Variants in RANBP2 observed in about 807,000 individuals in gnomAD.
RANBP2 encodes E3 SUMO-protein ligase RanBP2.
RANBP2 carries 57 observed loss-of-function variants against 303.6 expected under a neutral mutation model. The observed-to-expected ratio is 0.19, with a 90% CI of 0.15 to 0.23. The LOEUF is 0.23. Ranked by LOEUF, RANBP2 falls within the 10% of genes least tolerant of loss-of-function variation. RANBP2 has a pLI of 1.00. For synonymous variants in RANBP2, 1,167 were observed against 1,301.5 expected (o/e 0.90, Z 2.23); for missense variants, 3,138 against 3,780.8 (o/e 0.83, Z 4.46).
chr2:109,141,914 C>T, the RANBP2 span, among the ~76,000 whole-genome samples: 2 of 152,128 alleles, frequency 1.3e-5, no homozygotes, highest in Non-Finnish European at 2.9e-5. Context: ...CTCCTGCAAG[C>T]TCTGCAGGTG....
the RANBP2 span, among the ~76,000 whole-genome samples, chr2:109,406,910 G>A: frequency 6.6e-6 from 1 of 152,216 alleles, no homozygotes; most frequent in Non-Finnish European, 1.5e-5. Flanking sequence ...GCGGGGCCTT[G>A]AGGAGAACCG....
At chr2:109,215,619 T>C in the RANBP2 span, among the ~76,000 whole-genome samples, 19 of 152,116 alleles carry the variant, frequency 1.2e-4, no homozygotes, top group African/African-American at 4.3e-4. Flanking sequence ...TCTTCCTCGG[T>C]GACTCTGGAT....
the RANBP2 span, among the ~76,000 whole-genome samples, chr2:108,807,824 G>A: frequency 2.0e-5 from 3 of 152,068 alleles, no homozygotes; most frequent in African/African-American, 7.2e-5. Flanking sequence ...CACCATGTTG[G>A]CCAGGGTGGT....
chr2:109,115,148 G>C, the RANBP2 span, among the ~76,000 whole-genome samples: 6 of 152,148 alleles, frequency 3.9e-5, no homozygotes, highest in Admixed American at 1.3e-4. Context: ...TATTAGGTCC[G>C]CTTGGTGCAG....
the RANBP2 span, among the ~76,000 whole-genome samples, chr2:108,799,715 A>AT: frequency 6.6e-6 from 1 of 152,006 alleles, no homozygotes; most frequent in Non-Finnish European, 1.5e-5. Context: ...TTCATCAAAT[A>AT]TTTTTTCCAC....
intron 21 of RANBP2, 99 bp downstream of exon 21, chr2:108,771,970 C>T: frequency 7.1e-7 from 1 of 1,408,990 alleles, no homozygotes; most frequent in South Asian, 1.2e-5. Context: ...TAGAACTTAT[C>T]ACTAATATCC....
the RANBP2 span, among the ~76,000 whole-genome samples, chr2:109,595,884 T>C: frequency 3.9e-5 from 6 of 152,066 alleles, no homozygotes; most frequent in East Asian, 1.2e-3. Context: ...AGGAGGAGGG[T>C]AGAACATTCC....
the RANBP2 span, chr2:108,910,398 C>A: frequency 7.2e-7 from 1 of 1,382,928 alleles, no homozygotes. Context: ...ACCCTGGTTC[C>A]CCTCCCTGCT....
At chr2:108,977,473 T>C in the RANBP2 span, among the ~76,000 whole-genome samples, 1 of 152,184 alleles carries the variant, frequency 6.6e-6, no homozygotes, top group Non-Finnish European at 1.5e-5. Flanking sequence ...GGTTTCACTG[T>C]GTTCGCCAGG....
the RANBP2 span, chr2:109,593,091 GT>G: frequency 6.3e-7 from 1 of 1,599,384 alleles, no homozygotes; most frequent in Admixed American, 1.7e-5. Context: ...CATACAAGTT[GT>G]TTTCGTTGCC....
the RANBP2 span, among the ~76,000 whole-genome samples, chr2:109,385,935 A>G: frequency 6.6e-6 from 1 of 152,228 alleles, no homozygotes; most frequent in Non-Finnish European, 1.5e-5. Flanking sequence ...AATTTGCAAC[A>G]CAGTGCATCT....
the RANBP2 span, among the ~76,000 whole-genome samples, chr2:109,298,488 G>A: frequency 1.3e-5 from 2 of 152,120 alleles, no homozygotes; most frequent in Admixed American, 6.5e-5. Flanking sequence ...CAGGCTGGGT[G>A]GGGGATGATT....
At chr2:108,870,223 A>G in the RANBP2 span, among the ~76,000 whole-genome samples, 2 of 152,228 alleles carry the variant, frequency 1.3e-5, no homozygotes, top group African/African-American at 4.8e-5. Flanking sequence ...GAATTGAAAA[A>G]TTTACTAGAA....
the RANBP2 span, among the ~76,000 whole-genome samples, chr2:109,186,446 C>G: frequency 6.6e-6 from 1 of 152,226 alleles, no homozygotes; most frequent in Non-Finnish European, 1.5e-5. Context: ...GCAAACACTT[C>G]ACCGCCGTGC....
the RANBP2 span, among the ~76,000 whole-genome samples, chr2:109,203,878 C>T: frequency 6.6e-6 from 1 of 152,226 alleles, no homozygotes; most frequent in Non-Finnish European, 1.5e-5. Context: ...TTCTTGTTCC[C>T]TGTGCGGCCT....
chr2:108,910,480 A>G, the RANBP2 span: 1 of 1,613,848 alleles, frequency 6.2e-7, no homozygotes, highest in African/African-American at 1.3e-5. Context: ...GCTTTGCTGG[A>G]GTTGCTGTCA....
At chr2:108,976,468 G>C in the RANBP2 span, among the ~76,000 whole-genome samples, 5 of 152,138 alleles carry the variant, frequency 3.3e-5, no homozygotes, top group Non-Finnish European at 7.4e-5. Context: ...TCCCCACTCT[G>C]AAGTGACTCC....
the RANBP2 span, among the ~76,000 whole-genome samples, chr2:109,439,439 C>T: frequency 6.6e-6 from 1 of 152,176 alleles, no homozygotes; most frequent in Non-Finnish European, 1.5e-5. Context: ...AGAAAAAACA[C>T]TGTTGACAGT....
rs574583485 is a variant in RANBP2 at position 108,747,572 on chromosome 2, C to G, written c.1063+774C>G. Among the ~76,000 whole-genome samples, 5 of 152,258 alleles carry G rather than the reference C, an allele frequency of 3.3e-5. No individual in the cohort carries two copies. The South Asian group carries it at 1.0e-3, about 32-fold the overall frequency. ...GGCTTTCAGTCCTTAAAGTGACTTTCTACTTTTTTCCTTTTCTCTTTTCCT... is the reference window on the plus strand; with the variant it reads ...GGCTTTCAGTCCTTAAAGTGACTTTGTACTTTTTTCCTTTTCTCTTTTCCT... On this transcript the variant is annotated intron_variant, in intron 8 of 28. Coordinates refer to ENST00000283195, the MANE Select transcript of RANBP2 (RefSeq NM_006267.5).
Sources: allele counts gnomAD v4.1 joint callset (sites outside exome capture counted in the v4.1 genomes callset), GRCh38; gene constraint gnomAD v4.1.1; transcripts MANE v1.5; gene names NCBI Gene and HGNC (gene_info 2026-07-23, HGNC 2026-07-21).